ANKRD12: variants seen among roughly 807,000 people sequenced by gnomAD.
ANKRD12 encodes ankyrin repeat domain 12.
A neutral mutation model predicts 183.4 loss-of-function variants in ANKRD12; 85 were observed. The ratio of observed to expected loss-of-function variants is 0.46; its 90% CI spans 0.39 to 0.56. ANKRD12 has a LOEUF of 0.56. ANKRD12 is among the 20% of genes least tolerant of loss of function. ANKRD12 has a pLI of 0.00. For missense variants in ANKRD12, 2,405 were observed against 2,357.1 expected, an observed-to-expected ratio of 1.02 and a Z score of -0.42; for synonymous variants, 914 against 800.2, an observed-to-expected ratio of 1.14 and a Z score of -2.40.
At chr18:9,234,944 A>G (rs1175983911) in intron 8 of ANKRD12, among the ~76,000 whole-genome samples, 2 of 152,182 alleles carry the variant, frequency 1.3e-5, no homozygotes, top group African/African-American at 4.8e-5. Context: ...CACAGCTGCC[A>G]GCAGATCTCA....
intron 3 of ANKRD12, chr18:9,200,395 G>A (rs949314095): frequency 2.0e-5 from 3 of 152,104 alleles, no homozygotes; most frequent in African/African-American, 7.2e-5. Context: ...TGTATACAGT[G>A]ACCCATTGAA....
chr18:9,231,475 CTCTT>C (rs2037042837), intron 8 of ANKRD12, among the ~76,000 whole-genome samples: 1 of 151,926 alleles, frequency 6.6e-6, no homozygotes, highest in Non-Finnish European at 1.5e-5. Context: ...CTGTAATGAT[CTCTT>C]TATCATTATA....
chr18:9,226,999 T>A (rs969402497), intron 8 of ANKRD12, among the ~76,000 whole-genome samples: 1 of 152,066 alleles, frequency 6.6e-6, no homozygotes, highest in African/African-American at 2.4e-5. Flanking sequence ...ATAAAGGACG[T>A]TATTAGATCA....
At chr18:9,266,943 C>G (rs1335876525) in intron 10 of ANKRD12, among the ~76,000 whole-genome samples, 1 of 151,508 alleles carries the variant, frequency 6.6e-6, no homozygotes. Context: ...AAATGGAAAA[C>G]AAAAAAAGGC....
At position 9,244,616 on chromosome 18, in the gene ANKRD12, T is replaced by C. The variant is rs367751538; in HGVS notation, c.944-9595T>C. Among the ~76,000 whole-genome samples, 37 of 152,340 alleles carry C rather than the reference T, an allele frequency of 2.4e-4. No homozygotes were observed. The South Asian group carries it at 5.4e-3, about 22-fold the overall frequency. ...AGAGTAGTTCCTAGTACTCGTATGA[T>C]TTCGATTCTGAGAGTTCATTGTGTC... On this transcript the variant is annotated intron_variant, in intron 8 of 12. Transcript: ENST00000262126.
chr18:9,192,132 T>A (rs149485095), intron 2 of ANKRD12, among the ~76,000 whole-genome samples: 58 of 152,316 alleles, frequency 3.8e-4, no homozygotes, highest in Non-Finnish European at 7.5e-4. Context: ...AGTAATATCC[T>A]GATTTGTTGG....
chr18:9,139,147 G>A (rs1386174315), intron 1 of ANKRD12, among the ~76,000 whole-genome samples: 1 of 152,126 alleles, frequency 6.6e-6, no homozygotes, highest in Non-Finnish European at 1.5e-5. Flanking sequence ...TATTTGAGGA[G>A]GAGTGAAGAG....
intron 1 of ANKRD12, among the ~76,000 whole-genome samples, chr18:9,142,863 GAC>G (rs1491450433): frequency 7.0e-6 from 1 of 141,964 alleles, no homozygotes; most frequent in Admixed American, 7.2e-5. Context: ...CAGCCTGGGA[GAC>G]AGAGTGATAC....
intron 10 of ANKRD12, 147 bp from the exon 11 acceptor site, chr18:9,275,377 G>A: frequency 3.8e-6 from 2 of 520,394 alleles, no homozygotes; most frequent in Non-Finnish European, 6.7e-6. Context: ...GGAGGCTGAG[G>A]TGGGAGGATT....
intron 8 of ANKRD12, chr18:9,250,282 A>G (rs981243869): frequency 2.0e-5 from 3 of 152,160 alleles, no homozygotes; most frequent in Non-Finnish European, 4.4e-5. Context: ...TGGAGTTTTT[A>G]TGTTATCCTA....
At chr18:9,182,297 C>T in intron 1 of ANKRD12, 85 bp from the exon 2 acceptor site, 1 of 382,074 alleles carries the variant, frequency 2.6e-6, no homozygotes, top group East Asian at 4.0e-5. Context: ...CTTATGAAAA[C>T]AGAGAGAAAA....
intron 1 of ANKRD12, among the ~76,000 whole-genome samples, chr18:9,153,404 C>T (rs1279594760): frequency 6.6e-6 from 1 of 152,094 alleles, no homozygotes; most frequent in Non-Finnish European, 1.5e-5. Flanking sequence ...GATTTCTTTT[C>T]CTCTCTAGAA....
chr18:9,217,641 T>G (rs2036185676), intron 7 of ANKRD12, among the ~76,000 whole-genome samples: 1 of 152,202 alleles, frequency 6.6e-6, no homozygotes. Context: ...AGCCTATAAT[T>G]TTTTAAAACT....
At chr18:9,244,358 CTCTT>C (rs371052872) in intron 8 of ANKRD12, among the ~76,000 whole-genome samples, 46 of 152,146 alleles carry the variant, frequency 3.0e-4, no homozygotes, top group African/African-American at 1.1e-3. Flanking sequence ...GGAGACTTAA[CTCTT>C]TTTTTTGAGA....
chr18:9,151,597 CT>C (rs1210554409), intron 1 of ANKRD12, among the ~76,000 whole-genome samples: 1 of 152,188 alleles, frequency 6.6e-6, no homozygotes, highest in Non-Finnish European at 1.5e-5. Flanking sequence ...GGTCACTTTC[CT>C]AACTGAATGA....
intron 1 of ANKRD12, among the ~76,000 whole-genome samples, chr18:9,158,308 A>G (rs535122686): frequency 6.6e-6 from 1 of 152,258 alleles, no homozygotes; most frequent in African/African-American, 2.4e-5. Context: ...CTTTATTCAG[A>G]TTGCCCTAGT....
In ANKRD12 at chr18:9,255,455, A is replaced by G; in HGVS notation, c.2188A>G (p.Ile730Val). ...AAAAAAATCAAAATTGGAAAAAAAC[A>G]TCAAAGATGATAAATCAACCAAGGA... is the stretch of plus-strand genomic sequence containing the variant. ...LEKKSKLEKN[I>V]KDDKSTKEKH... The change falls in exon 9 of 13, where the codon ATC becomes GTC. Residue 730 changes from isoleucine (I) to valine (V), a missense_variant. Ile to Val is a conservative substitution (Grantham distance 29). Around this residue, in one of 7 missense-constraint regions of ANKRD12, gnomAD observed 1,983 missense variants for 1,725.9 expected, o/e 1.15. Coordinates refer to ENST00000262126, the MANE Select transcript of ANKRD12 (RefSeq NM_015208.5). 6.4e-7 allele frequency: 1 copy of G among 1,574,416 alleles called. No homozygotes were observed. The highest frequency in any genetic ancestry group is 1.2e-5 in the South Asian group (1 of 83,250).
chr18:9,140,180 T>C (rs1375625467), intron 1 of ANKRD12, among the ~76,000 whole-genome samples: 1 of 152,256 alleles, frequency 6.6e-6, no homozygotes, highest in Non-Finnish European at 1.5e-5. Context: ...AATGTTTTCA[T>C]GTGGAACAAA....
intron 2 of ANKRD12, among the ~76,000 whole-genome samples, chr18:9,189,215 A>G (rs2034299692): frequency 6.6e-6 from 1 of 152,234 alleles, no homozygotes; most frequent in African/African-American, 2.4e-5. Context: ...ACATCCCCTT[A>G]AACCAAAGTT....
Sources: gnomAD v4.1 joint callset for allele counts (sites outside exome capture counted in the v4.1 genomes callset) on GRCh38, gnomAD v4.1.1 for gene constraint, gnomAD v4.1.1 regional missense constraint, MANE v1.5 for transcripts, NCBI Gene and HGNC (gene_info 2026-07-23, HGNC 2026-07-21) for gene names.